Variants in LPAR1 observed in about 807,000 individuals in gnomAD.
LPAR1 encodes the protein LPA receptor 1.
A neutral mutation model predicts 23.8 loss-of-function variants in LPAR1; 5 were observed. That is an observed-to-expected ratio of 0.21 (90% CI 0.11 to 0.44). The LOEUF (loss-of-function observed/expected upper bound fraction) is 0.44. Among genes scored for constraint, LPAR1 ranks in the 20% least tolerant of loss-of-function variants. LPAR1 has a pLI of 0.99. For synonymous variants in LPAR1, 160 were observed against 164.7 expected, an observed-to-expected ratio of 0.97 and a Z score of 0.22; for missense variants, 311 against 482.8, an observed-to-expected ratio of 0.64 and a Z score of 3.33.
intron 5 of LPAR1, among the ~76,000 whole-genome samples, chr9:110,900,824 T>G (rs2088612150): frequency 6.6e-6 from 1 of 152,182 alleles, no homozygotes; most frequent in Non-Finnish European, 1.5e-5. Flanking sequence ...AAAGTGAAGG[T>G]AGTATTTGGC....
chr9:110,996,195 C>CAGAA (rs1280155918), intron 2 of LPAR1, among the ~76,000 whole-genome samples: 1 of 152,000 alleles, frequency 6.6e-6, no homozygotes, highest in Non-Finnish European at 1.5e-5. Context: ...ACACAGAAAA[C>CAGAA]TTCTAACTAG....
At chr9:110,888,484 T>C (rs866668495) in intron 5 of LPAR1, among the ~76,000 whole-genome samples, 1 of 152,040 alleles carries the variant, frequency 6.6e-6, no homozygotes, top group Non-Finnish European at 1.5e-5. Context: ...AGAAACGATG[T>C]CTTCTTTTTG....
At chr9:110,934,241 C>A (rs1189319334) in intron 5 of LPAR1, among the ~76,000 whole-genome samples, 1 of 152,168 alleles carries the variant, frequency 6.6e-6, no homozygotes, top group Admixed American at 6.5e-5. Context: ...CATTCCCTGC[C>A]CCTAGCAACA....
intron 5 of LPAR1, among the ~76,000 whole-genome samples, chr9:110,928,707 G>A (rs2094205475): frequency 6.6e-6 from 1 of 152,052 alleles, no homozygotes; most frequent in African/African-American, 2.4e-5. Flanking sequence ...TTTATAGCTT[G>A]GCCTTTCCTC....
At chr9:110,947,246 T>A (rs913689723) in intron 4 of LPAR1, among the ~76,000 whole-genome samples, 2 of 152,156 alleles carry the variant, frequency 1.3e-5, no homozygotes, top group African/African-American at 4.8e-5. Flanking sequence ...AAAAAGCTCA[T>A]TATAAAATCC....
At chr9:110,968,765 T>G (rs1588602652) in intron 4 of LPAR1, among the ~76,000 whole-genome samples, 1 of 152,348 alleles carries the variant, frequency 6.6e-6, no homozygotes, top group African/African-American at 2.4e-5. Context: ...CCACAAGGCT[T>G]GCTGAGCAAT....
intron 4 of LPAR1, among the ~76,000 whole-genome samples, chr9:110,948,910 C>G (rs1391112144): frequency 4.2e-5 from 5 of 119,584 alleles, no homozygotes; most frequent in African/African-American, 1.6e-4. Flanking sequence ...GTGTGTAGAT[C>G]AAGAAAAAAA....
At chr9:110,917,335 G>A (rs1319296166) in intron 5 of LPAR1, among the ~76,000 whole-genome samples, 1 of 152,064 alleles carries the variant, frequency 6.6e-6, no homozygotes, top group East Asian at 1.9e-4. Context: ...GATGACAAGA[G>A]CGAAATTCCA....
intron 5 of LPAR1, chr9:110,903,372 G>C (rs1209512250): frequency 1.3e-5 from 2 of 151,916 alleles, no homozygotes; most frequent in Non-Finnish European, 2.9e-5. Context: ...ACTAACATTG[G>C]AACAGCATAG....
At chr9:110,964,123 C>G (rs2096106620) in intron 4 of LPAR1, among the ~76,000 whole-genome samples, 1 of 152,192 alleles carries the variant, frequency 6.6e-6, no homozygotes, top group Admixed American at 6.5e-5. Context: ...CTGAAGCCTT[C>G]TGTGTGTCTC....
intron 5 of LPAR1, among the ~76,000 whole-genome samples, chr9:110,877,894 C>T (rs1038227950): frequency 6.6e-6 from 1 of 152,146 alleles, no homozygotes; most frequent in Non-Finnish European, 1.5e-5. Context: ...TGAGAGAATT[C>T]AAACACTGTC....
chr9:110,965,652 G>A (rs113293572), intron 4 of LPAR1, among the ~76,000 whole-genome samples: 1 of 152,200 alleles, frequency 6.6e-6, no homozygotes, highest in African/African-American at 2.4e-5. Flanking sequence ...GGAGAAATGG[G>A]AACACCTTTA....
chr9:110,952,122 C>T (rs1298857227), intron 4 of LPAR1, among the ~76,000 whole-genome samples: 1 of 152,106 alleles, frequency 6.6e-6, no homozygotes, highest in African/African-American at 2.4e-5. Flanking sequence ...TACTAGAATT[C>T]AACAGAGAAG....
At chr9:110,977,488 G>T (rs2096576355) in intron 2 of LPAR1, among the ~76,000 whole-genome samples, 1 of 152,142 alleles carries the variant, frequency 6.6e-6, no homozygotes, top group South Asian at 2.1e-4. Flanking sequence ...ACTTCCCTTT[G>T]ATTACTTCTG....
intron 4 of LPAR1, among the ~76,000 whole-genome samples, chr9:110,964,666 A>G (rs2096132884): frequency 9.6e-5 from 1 of 10,402 alleles, no homozygotes; most frequent in South Asian, 4.6e-3. Context: ...CGAATCTTTC[A>G]GCCTCAAAAA....
chr9:110,969,338 T>C (rs1442987380), intron 4 of LPAR1, among the ~76,000 whole-genome samples: 5 of 152,214 alleles, frequency 3.3e-5, no homozygotes, highest in African/African-American at 1.2e-4. Flanking sequence ...CCATAAGTAC[T>C]ATTTTGCGTC....
intron 5 of LPAR1, among the ~76,000 whole-genome samples, chr9:110,939,096 G>T (rs1395942895): frequency 6.6e-6 from 1 of 152,104 alleles, no homozygotes; most frequent in Non-Finnish European, 1.5e-5. Flanking sequence ...CCAATTTTGG[G>T]GTTTGCCTAC....
At chr9:110,909,934 A>G (rs1376606491) in intron 5 of LPAR1, among the ~76,000 whole-genome samples, 1 of 151,698 alleles carries the variant, frequency 6.6e-6, no homozygotes, top group Non-Finnish European at 1.5e-5. Context: ...TTTTTTGGAG[A>G]GACAGGGTTT....
At chr9:110,986,243 T>C (rs2139327595) in intron 2 of LPAR1, among the ~76,000 whole-genome samples, 1 of 152,238 alleles carries the variant, frequency 6.6e-6, no homozygotes. Flanking sequence ...GATACATTTC[T>C]ACTGAGGGCG....
Sources: gnomAD v4.1 joint callset for allele counts (sites outside exome capture counted in the v4.1 genomes callset) on GRCh38, gnomAD v4.1.1 for gene constraint, MANE v1.5 for transcripts, NCBI Gene and HGNC (gene_info 2026-07-23, HGNC 2026-07-21) for gene names.